DACH2: variants seen among roughly 807,000 people sequenced by gnomAD.
The protein encoded by DACH2 is dachshund homolog 2.
DACH2 carries 17 observed loss-of-function variants against 35.8 expected under a neutral mutation model. The observed-to-expected ratio is 0.48, with a 90% confidence interval of 0.33 to 0.71. DACH2 has a LOEUF of 0.71. Among genes scored for constraint, DACH2 ranks in the 30% least tolerant of loss-of-function variants. The pLI, the probability that DACH2 is intolerant of heterozygous loss-of-function variation, is 0.02. For synonymous variants in DACH2, 195 were observed against 177.3 expected, an observed-to-expected ratio of 1.10 and a Z score of -0.79; for missense variants, 469 against 472.7, an observed-to-expected ratio of 0.99 and a Z score of 0.07.
intron 2 of DACH2, among the ~76,000 whole-genome samples, chrX:86,503,261 T>C (rs976401698): frequency 2.7e-5 from 3 of 111,990 alleles, no homozygotes; most frequent in Non-Finnish European, 3.8e-5. Context: ...TTACTGACAG[T>C]AAAACTACGG....
chrX:86,652,265 A>C (rs181017751), intron 4 of DACH2, among the ~76,000 whole-genome samples: 155 of 112,300 alleles, frequency 1.4e-3, no homozygotes, highest in African/African-American at 4.6e-3. Context: ...TGTTCCTGCA[A>C]AGGAAATGAT....
chrX:86,776,233 A>G (rs1191089293), intron 7 of DACH2, among the ~76,000 whole-genome samples: 1 of 111,688 alleles, frequency 9.0e-6, no homozygotes, highest in Non-Finnish European at 1.9e-5. Flanking sequence ...TAGAGGCTCA[A>G]GAGTCCAAGA....
intron 3 of DACH2, among the ~76,000 whole-genome samples, chrX:86,581,776 A>G (rs2039504554): frequency 9.0e-6 from 1 of 111,652 alleles, no homozygotes; most frequent in South Asian, 3.7e-4. Flanking sequence ...ATATAACCAC[A>G]CAATAATTTT....
chrX:86,616,236 C>T (rs2040000751), intron 3 of DACH2, among the ~76,000 whole-genome samples: 1 of 111,807 alleles, frequency 8.9e-6, no homozygotes, highest in Non-Finnish European at 1.9e-5. Flanking sequence ...TGAACATTCA[C>T]ATGCATGTGT....
chrX:86,214,381 T>C (rs2032520578), intron 1 of DACH2, among the ~76,000 whole-genome samples: 1 of 112,166 alleles, frequency 8.9e-6, no homozygotes, highest in Admixed American at 9.5e-5. Flanking sequence ...GAGTTTTAAT[T>C]TGCACATCTT....
At chrX:86,604,473 T>C (rs998994702) in intron 3 of DACH2, among the ~76,000 whole-genome samples, 2 of 111,932 alleles carry the variant, frequency 1.8e-5, no homozygotes, top group Non-Finnish European at 3.8e-5. Context: ...ATGCTATAAA[T>C]CTGAATAAAT....
chrX:86,316,352 G>T (rs1311996047), intron 1 of DACH2, among the ~76,000 whole-genome samples: 1 of 110,185 alleles, frequency 9.1e-6, no homozygotes, highest in African/African-American at 3.3e-5. Flanking sequence ...GTGAAGTTTG[G>T]TGCTCACCCA....
chrX:86,158,522 CGT>C (rs58707735), intron 1 of DACH2, among the ~76,000 whole-genome samples: 15,227 of 102,648 alleles, frequency 0.15, 1,181 homozygotes, highest in African/African-American at 0.28. Flanking sequence ...ATAGCCTGTG[CGT>C]GTGTGTGTGT....
intron 1 of DACH2, among the ~76,000 whole-genome samples, chrX:86,238,052 C>T (rs1168810760): frequency 1.8e-5 from 2 of 112,302 alleles, no homozygotes; most frequent in Admixed American, 9.4e-5. Context: ...TGCCATTCAG[C>T]AGGTCCCAAG....
intron 1 of DACH2, among the ~76,000 whole-genome samples, chrX:86,174,570 G>T (rs1274099222): frequency 8.9e-6 from 1 of 112,332 alleles, no homozygotes; most frequent in Non-Finnish European, 1.9e-5. Context: ...ATTGAACTAA[G>T]AAACTTCTGT....
intron 3 of DACH2, among the ~76,000 whole-genome samples, chrX:86,638,052 G>A (rs1272646117): frequency 1.1e-5 from 1 of 92,059 alleles, no homozygotes. Context: ...AGAAACTGGT[G>A]TTAAAACAGA....
chrX:86,180,055 G>A (rs967909951), intron 1 of DACH2, among the ~76,000 whole-genome samples: 6 of 104,764 alleles, frequency 5.7e-5, no homozygotes, highest in African/African-American at 2.1e-4. Flanking sequence ...ATTTAGTTGC[G>A]GACATAATTA....
Position 86,287,489 on chromosome X carries a change from T to C in DACH2, c.489-89335T>C, listed in dbSNP as rs2034176506. Among the ~76,000 whole-genome samples, 3 of 111,843 alleles carry C rather than the reference T, an allele frequency of 2.7e-5. No homozygotes were observed. In the Admixed American group the frequency reaches 2.9e-4, roughly 11 times the overall value. The stretch of plus-strand genomic sequence containing the variant: ...GAATAAACTTTCTACCACTACATTT[T>C]TCTCTGCCTGCTCTTTATGGCCGGT... On this transcript the variant is annotated intron_variant, in intron 1 of 11. Transcript: ENST00000373125.
At chrX:86,191,067 G>C (rs192966753) in intron 1 of DACH2, among the ~76,000 whole-genome samples, 274 of 112,271 alleles carry the variant, frequency 2.4e-3, no homozygotes, top group African/African-American at 8.3e-3. Flanking sequence ...AAAGCAGTTT[G>C]GTGATTTCTC....
intron 1 of DACH2, among the ~76,000 whole-genome samples, chrX:86,293,574 T>C (rs1207043799): frequency 9.0e-6 from 1 of 110,740 alleles, no homozygotes; most frequent in Admixed American, 9.6e-5. Context: ...GTTGTTCCTT[T>C]CCATGTTTAG....
At position 86,445,983 on chromosome X, in the gene DACH2, A is replaced by G. The variant is rs185474888; in HGVS notation, c.528-68296A>G. Reference sequence around the variant, plus strand: ...CCCTACTAGTATTGTGTTGCAGTCAATCTCTCCCTTAAGAACTATTAATAT... The same window carrying G: ...CCCTACTAGTATTGTGTTGCAGTCAGTCTCTCCCTTAAGAACTATTAATAT... On this transcript the variant is annotated intron_variant, in intron 2 of 11. Transcript: ENST00000373125. 4.7e-3 allele frequency among the ~76,000 whole-genome samples: 526 copies of G among 111,578 alleles called. 3 individuals are homozygous for G. The highest frequency in any genetic ancestry group is 0.017 in the African/African-American group (508 of 30,746).
intron 1 of DACH2, among the ~76,000 whole-genome samples, chrX:86,308,573 T>C (rs1335293751): frequency 8.9e-6 from 1 of 112,005 alleles, no homozygotes; most frequent in Non-Finnish European, 1.9e-5. Flanking sequence ...TTAATCAATT[T>C]CCAGACTTGA....
chrX:86,708,044 A>G (rs760891674), intron 5 of DACH2, among the ~76,000 whole-genome samples: 4 of 109,646 alleles, frequency 3.6e-5, no homozygotes, highest in Non-Finnish European at 7.6e-5. Flanking sequence ...AAATAATATG[A>G]TACTAAAAGT....
At chrX:86,323,314 C>T (rs1052363627) in intron 1 of DACH2, among the ~76,000 whole-genome samples, 14 of 111,922 alleles carry the variant, frequency 1.3e-4, no homozygotes, top group Admixed American at 3.8e-4. Flanking sequence ...CATGGAGAGA[C>T]GGACATTCAC....
Sources: allele counts gnomAD v4.1 joint callset (sites outside exome capture counted in the v4.1 genomes callset), GRCh38; gene constraint gnomAD v4.1.1; transcripts MANE v1.5; gene names NCBI Gene and HGNC (gene_info 2026-07-23, HGNC 2026-07-21).